Variants in POLN observed in about 807,000 individuals in gnomAD.
POLN encodes the protein DNA polymerase N.
A neutral mutation model predicts 113.5 loss-of-function variants in POLN; 108 were observed. The ratio of observed to expected loss-of-function variants is 0.95; its 90% CI spans 0.81 to 1.12. The LOEUF is 1.12. Among genes scored for constraint, POLN ranks in the 50% most tolerant of loss-of-function variants. The pLI is 0.00. For missense variants in POLN, 1,097 were observed against 1,077.1 expected, an observed-to-expected ratio of 1.02 and a Z score of -0.26; for synonymous variants, 386 against 391.5, an observed-to-expected ratio of 0.99 and a Z score of 0.17.
intron 16 of POLN, among the ~76,000 whole-genome samples, chr4:2,151,674 C>G (rs1376096555): frequency 2.0e-5 from 3 of 152,224 alleles, no homozygotes; most frequent in Admixed American, 1.3e-4. Context: ...AGCAACGTAG[C>G]TGAAGCTCAT....
chr4:2,220,360 T>C (rs1467495438), intron 3 of POLN, among the ~76,000 whole-genome samples: 3 of 152,168 alleles, frequency 2.0e-5, no homozygotes, highest in African/African-American at 7.2e-5. Flanking sequence ...TAGCCAGCCC[T>C]CCAGCAAGTT....
chr4:2,077,499 G>A (rs919035158), intron 23 of POLN, among the ~76,000 whole-genome samples: 7 of 152,242 alleles, frequency 4.6e-5, no homozygotes, highest in African/African-American at 7.2e-5. Context: ...GCCAGGGGCC[G>A]TGGGCACTGC....
chr4:2,109,967 G>A (rs1731152785), intron 19 of POLN, among the ~76,000 whole-genome samples: 1 of 151,800 alleles, frequency 6.6e-6, no homozygotes, highest in African/African-American at 2.4e-5. Context: ...TGTTTTAGAG[G>A]TTGCCTTAGA....
chr4:2,228,162 C>T (rs952046572), intron 3 of POLN: 8 of 159,300 alleles, frequency 5.0e-5, no homozygotes, highest in Non-Finnish European at 1.1e-4. Flanking sequence ...CTCACTTATA[C>T]CTTATTTTGT....
chr4:2,201,657 C>A (rs1400074610), intron 5 of POLN, among the ~76,000 whole-genome samples: 3 of 152,128 alleles, frequency 2.0e-5, no homozygotes, highest in Admixed American at 2.0e-4. Flanking sequence ...ACTTCCCTGG[C>A]CTTGCTAGAG....
intron 19 of POLN, among the ~76,000 whole-genome samples, chr4:2,118,775 C>T (rs568226396): frequency 2.6e-5 from 4 of 152,368 alleles, no homozygotes; most frequent in Admixed American, 1.3e-4. Context: ...CCAACCCTCA[C>T]TGCCTTACAG....
intron 19 of POLN, among the ~76,000 whole-genome samples, chr4:2,104,069 G>C (rs1346949383): frequency 6.6e-6 from 1 of 152,174 alleles, no homozygotes; most frequent in Non-Finnish European, 1.5e-5. Context: ...AGGAGGAAGT[G>C]AAAGTAATCA....
At chr4:2,235,647 G>C (rs28433903) in intron 2 of POLN, among the ~76,000 whole-genome samples, 4 of 151,944 alleles carry the variant, frequency 2.6e-5, no homozygotes, top group African/African-American at 9.7e-5. Context: ...GTCATTGAAG[G>C]ATACATACCT....
At chr4:2,100,075 A>G (rs4974652) in intron 19 of POLN, among the ~76,000 whole-genome samples, 3 of 79,300 alleles carry the variant, frequency 3.8e-5, no homozygotes, top group South Asian at 5.1e-4. Context: ...GTCTCAAAAA[A>G]GAAAAAAAAA....
intron 24 of POLN, 95 bp downstream of exon 24, chr4:2,075,357 C>G: frequency 1.5e-6 from 2 of 1,348,430 alleles, no homozygotes; most frequent in South Asian, 1.3e-5. Context: ...AAAGGGAAGA[C>G]AGCTGAGGGG....
At chr4:2,130,270 G>C (rs916438290) in intron 17 of POLN, among the ~76,000 whole-genome samples, 2 of 137,814 alleles carry the variant, frequency 1.5e-5, no homozygotes, top group African/African-American at 5.4e-5. Flanking sequence ...AAGAGGAGAG[G>C]AGAGGGGAGG....
intron 19 of POLN, among the ~76,000 whole-genome samples, chr4:2,123,499 T>C (rs1270192150): frequency 1.3e-5 from 2 of 150,242 alleles, no homozygotes; most frequent in African/African-American, 4.9e-5. Context: ...TAGTGGCGCA[T>C]ACCTGTAATC....
At chr4:2,094,993 G>A (rs1730750380) in intron 20 of POLN, among the ~76,000 whole-genome samples, 1 of 152,106 alleles carries the variant, frequency 6.6e-6, no homozygotes. Context: ...CTGATCACAG[G>A]GAAAAGGAGG....
chr4:2,161,103 C>T (rs746896881), intron 13 of POLN, among the ~76,000 whole-genome samples: 8 of 152,206 alleles, frequency 5.3e-5, no homozygotes, highest in South Asian at 2.1e-4. Context: ...GGTGACACCG[C>T]GCTGGCACTC....
Position 2,073,750 on chromosome 4 carries a change from G to A in POLN, c.2456-721C>T, listed in dbSNP as rs983816311. On this transcript the variant is annotated intron_variant, in intron 24 of 25. Coordinates refer to ENST00000511885, the MANE Select transcript of POLN (RefSeq NM_181808.4). Reference sequence around the variant, plus strand: ...CACTGCAATGCAAAGATGGCGGCAGGAGCCCCAAGCCGTGGTGGGCGCCAC... The same window carrying A: ...CACTGCAATGCAAAGATGGCGGCAGAAGCCCCAAGCCGTGGTGGGCGCCAC... 3.9e-5 allele frequency among the ~76,000 whole-genome samples: 6 copies of A among 152,248 alleles called. No individual in the cohort carries two copies. In the East Asian group the frequency reaches 9.6e-4, roughly 24 times the overall value.
intron 18 of POLN, 77 bp downstream of exon 18, chr4:2,129,102 A>G (rs1216637905): frequency 1.9e-5 from 20 of 1,044,872 alleles, no homozygotes; most frequent in Middle Eastern, 2.1e-4. Flanking sequence ...AATGAATTCC[A>G]TAAGTACCTT....
chr4:2,175,623 G>C (rs1361989874), intron 9 of POLN, among the ~76,000 whole-genome samples: 1 of 152,102 alleles, frequency 6.6e-6, no homozygotes, highest in Non-Finnish European at 1.5e-5. Context: ...TAGTTTTCCT[G>C]CTGCCATTAG....
At chr4:2,087,805 G>C (rs1036705169) in intron 20 of POLN, among the ~76,000 whole-genome samples, 1 of 151,960 alleles carries the variant, frequency 6.6e-6, no homozygotes, top group Non-Finnish European at 1.5e-5. Flanking sequence ...TAGAGTTTTA[G>C]ATCCTATTAT....
intron 2 of POLN, among the ~76,000 whole-genome samples, chr4:2,232,357 A>C (rs1734614968): frequency 1.3e-5 from 2 of 152,186 alleles, no homozygotes; most frequent in Admixed American, 6.5e-5. Flanking sequence ...ACAACTTCTG[A>C]TAGATAATTT....
Sources: gnomAD v4.1 joint callset for allele counts (sites outside exome capture counted in the v4.1 genomes callset) on GRCh38, gnomAD v4.1.1 for gene constraint, MANE v1.5 for transcripts, NCBI Gene and HGNC (gene_info 2026-07-23, HGNC 2026-07-21) for gene names.